DPYD: variants seen among roughly 807,000 people sequenced by gnomAD.
The protein encoded by DPYD is dihydropyrimidine dehydrogenase.
In DPYD, 109 loss-of-function variants were observed where a neutral mutation model predicts 116.2. The ratio of observed to expected loss-of-function variants is 0.94; its 90% CI spans 0.80 to 1.10. The LOEUF is 1.10. Among genes scored for constraint, DPYD ranks in the 50% least tolerant of loss-of-function variants. DPYD has a pLI of 0.00. For synonymous variants in DPYD, 440 were observed against 432.0 expected (o/e 1.02, Z -0.23); for missense variants, 1,302 against 1,254.5 (o/e 1.04, Z -0.57).
chr1:97,490,513 T>C (rs572239552), intron 13 of DPYD, among the ~76,000 whole-genome samples: 6 of 148,082 alleles, frequency 4.1e-5, no homozygotes, highest in Non-Finnish European at 8.9e-5. Flanking sequence ...ATATTAATAA[T>C]ATAATATGTA....
chr1:97,537,365 CATTATTAAA>C (rs1391015219), intron 12 of DPYD, among the ~76,000 whole-genome samples: 3 of 152,030 alleles, frequency 2.0e-5, no homozygotes, highest in African/African-American at 4.8e-5. Flanking sequence ...GTAAATATGC[CATTATTAAA>C]ATGCTGTCAT....
At chr1:97,649,293 G>A (rs1225280500) in intron 8 of DPYD, among the ~76,000 whole-genome samples, 1 of 151,998 alleles carries the variant, frequency 6.6e-6, no homozygotes, top group East Asian at 1.9e-4. Flanking sequence ...AGGTGATCAT[G>A]ACTATTTCCA....
In DPYD at chr1:97,610,822, A is replaced by G. The variant is rs372933683; in HGVS notation, c.851-15656T>C. Among the ~76,000 whole-genome samples the G allele has an allele frequency of 4.6e-4, 70 of 152,162 alleles. 2 individuals are homozygous for G. The South Asian group carries it at 0.014, about 32-fold the overall frequency. On this transcript the variant is annotated intron_variant, in intron 8 of 22. Transcript: ENST00000370192. ...GAATTCATTGTTTGCTCAAATCATGATTAGCTGCTTACAAAATACATATAT... is the reference window on the plus strand; with the variant it reads ...GAATTCATTGTTTGCTCAAATCATGGTTAGCTGCTTACAAAATACATATAT...
At chr1:97,180,232 A>C (rs150646205) in intron 20 of DPYD, among the ~76,000 whole-genome samples, 5 of 152,202 alleles carry the variant, frequency 3.3e-5, no homozygotes, top group Admixed American at 6.6e-5. Flanking sequence ...TATAATTATA[A>C]TTTCTGTTGA....
chr1:97,720,715 G>C, intron 5 of DPYD: 1 of 1,415,126 alleles, frequency 7.1e-7, no homozygotes, highest in Non-Finnish European at 9.2e-7. Context: ...TAAAAATCTA[G>C]GTTGACGGGC....
chr1:97,402,945 A>G (rs1177704490), intron 14 of DPYD, among the ~76,000 whole-genome samples: 1 of 152,066 alleles, frequency 6.6e-6, no homozygotes, highest in Non-Finnish European at 1.5e-5. Context: ...CCAGCCTTGA[A>G]TGTCTGAGAT....
intron 14 of DPYD, among the ~76,000 whole-genome samples, chr1:97,392,760 T>C (rs1672781992): frequency 6.6e-6 from 1 of 152,090 alleles, no homozygotes; most frequent in African/African-American, 2.4e-5. Flanking sequence ...TCAAGTTTTA[T>C]CATGAGATTG....
intron 3 of DPYD, among the ~76,000 whole-genome samples, chr1:97,781,463 T>C (rs1448557689): frequency 6.6e-6 from 1 of 152,236 alleles, no homozygotes; most frequent in Non-Finnish European, 1.5e-5. Flanking sequence ...TATAACATGT[T>C]CCATGCATGT....
intron 20 of DPYD, among the ~76,000 whole-genome samples, chr1:97,173,472 T>C (rs895100035): frequency 1.1e-4 from 8 of 74,072 alleles, no homozygotes; most frequent in African/African-American, 6.1e-4. Context: ...TATACACACA[T>C]AATGTGTATA....
intron 8 of DPYD, among the ~76,000 whole-genome samples, chr1:97,597,363 C>G (rs1287920658): frequency 1.3e-5 from 2 of 152,108 alleles, no homozygotes; most frequent in Non-Finnish European, 2.9e-5. Flanking sequence ...CTTTGATAGT[C>G]TATGCTAATC....
chr1:97,242,596 T>A lies in DPYD; in HGVS notation c.2300-7602A>T, dbSNP rs1030751944. Reference sequence around the variant, plus strand: ...TTCAAGTTTATATATATATACTTTTTATTGTTGGATTCTTTTTGATAAAAT... The same window carrying A: ...TTCAAGTTTATATATATATACTTTTAATTGTTGGATTCTTTTTGATAAAAT... On this transcript the variant is annotated intron_variant, in intron 18 of 22. Coordinates refer to ENST00000370192, the MANE Select transcript of DPYD (RefSeq NM_000110.4). 2.6e-5 allele frequency among the ~76,000 whole-genome samples: 4 copies of A among 151,842 alleles called. No homozygotes were observed. The East Asian group carries it at 7.7e-4, about 29-fold the overall frequency.
chr1:97,791,786 T>C (rs1186980126), intron 3 of DPYD, among the ~76,000 whole-genome samples: 1 of 152,218 alleles, frequency 6.6e-6, no homozygotes, highest in Non-Finnish European at 1.5e-5. Context: ...TTCTGATCAC[T>C]AAAATTTGTG....
In DPYD at chr1:97,391,048, C is replaced by CTTTTTTTTTTT. The variant is rs571016808; in HGVS notation, c.1906-8598_1906-8588dup. Among the ~76,000 whole-genome samples, 2 of 132,474 alleles carry CTTTTTTTTTTT rather than the reference C, an allele frequency of 1.5e-5. 1 individual carries two copies. The highest frequency in any genetic ancestry group is 3.2e-5 in the Non-Finnish European group (2 of 62,404). The allele number at this position is 132,474 out of a possible 152,430, so 86.9% of individuals were successfully genotyped here. ...TTTGGAGATACCACTTACTTTTCCT[C>CTTTTTTTTTTT]TTTTTTTTTTTTTTTTTGGTGTTCT... On this transcript the variant is annotated intron_variant, in intron 14 of 22. Coordinates refer to ENST00000370192, the MANE Select transcript of DPYD (RefSeq NM_000110.4).
Position 97,676,068 on chromosome 1 carries a change from C to T in DPYD, c.850+3027G>A, listed in dbSNP as rs1482965835. 2.0e-5 allele frequency among the ~76,000 whole-genome samples: 3 copies of T among 152,036 alleles called. No individual in the cohort carries two copies. The East Asian group carries it at 5.8e-4, about 29-fold the overall frequency. On this transcript the variant is annotated intron_variant, in intron 8 of 22. Transcript: ENST00000370192. ...GGCCTACCATCTCCATTTTTAAAAA[C>T]TACCTATGTAACCAACATGTATGCA...
chr1:97,515,642 G>GT lies in DPYD; in HGVS notation c.1740+83dup, dbSNP rs1648160996. 3 of 1,207,106 alleles carry GT rather than the reference G, an allele frequency of 2.5e-6. No individual in the cohort carries two copies. The Middle Eastern group carries it at 8.4e-4, about 337-fold the overall frequency. The allele number at this position is 1,207,106 out of a possible 1,614,324, so 74.8% of individuals were successfully genotyped here. A position where few individuals can be genotyped will look rare whatever the true frequency, so the allele number is the denominator to read the frequency against. ...ATAGTTTAATAAGTAGTATTTCTTA[G>GT]TAAAAAAAATCCATTATAATGTTTA... On this transcript the variant is annotated intron_variant, in intron 13 of 22. Coordinates refer to ENST00000370192, the MANE Select transcript of DPYD (RefSeq NM_000110.4).
At chr1:97,574,619 A>T (rs995609294) in intron 10 of DPYD, among the ~76,000 whole-genome samples, 1 of 152,142 alleles carries the variant, frequency 6.6e-6, no homozygotes, top group Non-Finnish European at 1.5e-5. Flanking sequence ...TTTTGCCATA[A>T]AATCTGGATA....
intron 20 of DPYD, among the ~76,000 whole-genome samples, chr1:97,167,775 T>C (rs546536712): frequency 1.3e-5 from 2 of 152,292 alleles, no homozygotes; most frequent in African/African-American, 4.8e-5. Flanking sequence ...TTTATATTAA[T>C]AATTCACTTA....
chr1:97,436,301 C>T (rs1024866597), intron 14 of DPYD, among the ~76,000 whole-genome samples: 1 of 151,876 alleles, frequency 6.6e-6, no homozygotes, highest in Admixed American at 6.6e-5. Context: ...TGTAAGCGAG[C>T]CTACTGAACA....
intron 6 of DPYD, among the ~76,000 whole-genome samples, chr1:97,697,654 G>C (rs1661379342): frequency 6.6e-6 from 1 of 151,902 alleles, no homozygotes; most frequent in Admixed American, 6.6e-5. Context: ...CACCATGTTT[G>C]GTCTGGATCC....
Sources: allele counts gnomAD v4.1 joint callset (sites outside exome capture counted in the v4.1 genomes callset), GRCh38; gene constraint gnomAD v4.1.1; transcripts MANE v1.5; gene names NCBI Gene and HGNC (gene_info 2026-07-23, HGNC 2026-07-21).